Variants in LDLRAP1 observed in about 807,000 individuals in gnomAD.
The protein encoded by LDLRAP1 is low density lipoprotein receptor adaptor protein 1.
LDLRAP1 carries 30 observed loss-of-function variants against 37.8 expected under a neutral mutation model. That is an observed-to-expected ratio of 0.79 (90% CI 0.59 to 1.08). The LOEUF (loss-of-function observed/expected upper bound fraction) is 1.08, where lower values mean the gene tolerates loss of function less well. LDLRAP1 is among the 50% of genes least tolerant of loss of function. The pLI is 0.00. For synonymous variants in LDLRAP1, 156 were observed against 169.8 expected, an observed-to-expected ratio of 0.92 and a Z score of 0.63; for missense variants, 375 against 401.6, an observed-to-expected ratio of 0.93 and a Z score of 0.57.
intron 4 of LDLRAP1, among the ~76,000 whole-genome samples, chr1:25,561,920 C>G (rs1022395450): frequency 3.3e-5 from 5 of 151,870 alleles, no homozygotes; most frequent in Non-Finnish European, 7.4e-5. Flanking sequence ...GGGTGGGGCT[C>G]GAGGAGTCTG....
intron 4 of LDLRAP1, among the ~76,000 whole-genome samples, chr1:25,562,107 T>G (rs1225243244): frequency 2.0e-5 from 3 of 152,196 alleles, no homozygotes; most frequent in Admixed American, 1.3e-4. Context: ...TTGACAAGCC[T>G]TCTACTCTCT....
At chr1:25,571,423 G>A (rs2044603591), downstream of LDLRAP1, among the ~76,000 whole-genome samples, 1 of 152,254 alleles carries the variant, frequency 6.6e-6, no homozygotes. Flanking sequence ...CCTCAGAGAA[G>A]GAAGCCTTCC....
At chr1:25,576,129 G>C in the LDLRAP1 span, among the ~76,000 whole-genome samples, 1 of 152,182 alleles carries the variant, frequency 6.6e-6, no homozygotes, top group Non-Finnish European at 1.5e-5. Context: ...CTACTCGGGA[G>C]GCCGAAGCAG....
intron 4 of LDLRAP1, among the ~76,000 whole-genome samples, chr1:25,557,671 A>G (rs910793823): frequency 1.3e-5 from 2 of 152,138 alleles, no homozygotes; most frequent in Admixed American, 6.5e-5. Context: ...GAGAGCCGTC[A>G]GAGAACCAGG....
intron 4 of LDLRAP1, among the ~76,000 whole-genome samples, chr1:25,559,622 T>G (rs539093168): frequency 1.5e-4 from 23 of 152,324 alleles, no homozygotes; most frequent in African/African-American, 5.5e-4. Context: ...CCTCCCTGCT[T>G]CAGGGGCCCT....
chr1:25,574,508 A>G, the LDLRAP1 span, among the ~76,000 whole-genome samples: 1 of 152,128 alleles, frequency 6.6e-6, no homozygotes, highest in Non-Finnish European at 1.5e-5. Flanking sequence ...TTGTTGAAGA[A>G]AAGGATGTGT....
rs2044510451 is a variant in LDLRAP1 at position 25,567,324 on chromosome 1, T to C, written c.*332T>C. On this transcript the variant is annotated 3_prime_UTR_variant, in exon 9 of 9. Coordinates refer to ENST00000374338, the MANE Select transcript of LDLRAP1 (RefSeq NM_015627.3). ...TGCTCTCCTGGAGCAAGCTCTGCCCTGGCTGTGGGTATCAGGACTGTGACC... is the reference window on the plus strand; with the variant it reads ...TGCTCTCCTGGAGCAAGCTCTGCCCCGGCTGTGGGTATCAGGACTGTGACC... 4 of 406,464 alleles carry C rather than the reference T, an allele frequency of 9.8e-6. No individual in the cohort carries two copies. In the Admixed American group the frequency reaches 1.1e-4, roughly 11 times the overall value. The allele number at this position is 406,464 out of a possible 1,614,324, so 25.2% of individuals were successfully genotyped here. A position where few individuals can be genotyped will look rare whatever the true frequency, so the allele number is the denominator to read the frequency against.
the LDLRAP1 span, among the ~76,000 whole-genome samples, chr1:25,581,981 T>A: frequency 6.6e-6 from 1 of 152,152 alleles, no homozygotes; most frequent in Non-Finnish European, 1.5e-5. Context: ...GATGGACAGA[T>A]GTGCACAGCT....
At chr1:25,575,361 G>A in the LDLRAP1 span, among the ~76,000 whole-genome samples, 2 of 144,828 alleles carry the variant, frequency 1.4e-5, no homozygotes, top group Admixed American at 7.1e-5. Flanking sequence ...TGAGGCAGGT[G>A]AATCACTAGA....
chr1:25,558,736 G>T (rs750042649), intron 4 of LDLRAP1, among the ~76,000 whole-genome samples: 1 of 152,144 alleles, frequency 6.6e-6, no homozygotes, highest in Non-Finnish European at 1.5e-5. Context: ...TGGACACTCT[G>T]AGTAATCTGG....
chr1:25,545,502 G>T (rs2043912141), intron 1 of LDLRAP1, among the ~76,000 whole-genome samples: 1 of 152,136 alleles, frequency 6.6e-6, no homozygotes, highest in South Asian at 2.1e-4. Context: ...CTAACTGGTG[G>T]CTTTCTTCTC....
At position 25,557,269 on chromosome 1, in the gene LDLRAP1, T is replaced by G. The variant is rs1461905374; in HGVS notation, c.459+2T>G. On this transcript the variant is annotated splice_donor_variant, in intron 4 of 8. Coordinates refer to ENST00000374338, the MANE Select transcript of LDLRAP1 (RefSeq NM_015627.3). LOFTEE classifies it high-confidence loss of function. ...TTCCTCTGCACCAAGCGGAAGATGG[T>G]CAGCGGGGAGGGCTGGGGCGGGGAC... 1.9e-6 allele frequency: 3 copies of G among 1,549,112 alleles called. No homozygotes were observed. In the Admixed American group the frequency reaches 5.0e-5, roughly 26 times the overall value.
chr1:25,558,815 C>T (rs977064309), intron 4 of LDLRAP1, among the ~76,000 whole-genome samples: 3 of 152,176 alleles, frequency 2.0e-5, no homozygotes, highest in Non-Finnish European at 2.9e-5. Flanking sequence ...GCAGCATTCA[C>T]GGGTCTCAGG....
At chr1:25,582,028 G>A in the LDLRAP1 span, among the ~76,000 whole-genome samples, 3 of 152,168 alleles carry the variant, frequency 2.0e-5, no homozygotes, top group African/African-American at 7.2e-5. Flanking sequence ...CCCACCCAGC[G>A]CAGGCCTGGG....
At chr1:25,573,926 T>A in the LDLRAP1 span, among the ~76,000 whole-genome samples, 1 of 152,134 alleles carries the variant, frequency 6.6e-6, no homozygotes, top group Admixed American at 6.5e-5. Context: ...GAAATCCCCA[T>A]CCTCATGGAG....
At position 25,553,926 on chromosome 1, in the gene LDLRAP1, G is replaced by T. The variant is rs2044137554; in HGVS notation, c.93G>T (p.Leu31=). 6.2e-7 allele frequency: 1 copy of T among 1,613,720 alleles called. No homozygotes were observed. The highest frequency in any genetic ancestry group is 8.5e-7 in the Non-Finnish European group (1 of 1,179,956). The change falls in exon 2 of 9, where the codon CTG becomes CTT. Residue 31 remains leucine, a synonymous_variant. Transcript: ENST00000374338. ...SWGGGGRHRK[L]PENWTDTRET... is the part of the protein sequence containing the mutation. ...GCCTACCCTGTGCTACCCCAGAGCTGCCTGAGAACTGGACAGACACGCGGG... is the reference window on the plus strand; with the variant it reads ...GCCTACCCTGTGCTACCCCAGAGCTTCCTGAGAACTGGACAGACACGCGGG...
chr1:25,556,542 C>CA (rs1480282979), intron 3 of LDLRAP1, among the ~76,000 whole-genome samples: 1 of 152,208 alleles, frequency 6.6e-6, no homozygotes, highest in Non-Finnish European at 1.5e-5. Flanking sequence ...ACCTGAATCT[C>CA]ACCAGACCTC....
chr1:25,548,661 C>T (rs2043997686), intron 1 of LDLRAP1, among the ~76,000 whole-genome samples: 1 of 151,722 alleles, frequency 6.6e-6, no homozygotes, highest in Non-Finnish European at 1.5e-5. Flanking sequence ...GGTGGATACT[C>T]CTATTGTCCC....
intron 4 of LDLRAP1, among the ~76,000 whole-genome samples, chr1:25,562,436 G>A (rs779212945): frequency 1.2e-4 from 19 of 152,230 alleles, no homozygotes; most frequent in Non-Finnish European, 5.9e-5. Context: ...CGAGGCTATG[G>A]CCTTATGACA....
Sources: gnomAD v4.1 joint callset for allele counts (sites outside exome capture counted in the v4.1 genomes callset) on GRCh38, gnomAD v4.1.1 for gene constraint, MANE v1.5 for transcripts, NCBI Gene and HGNC (gene_info 2026-07-23, HGNC 2026-07-21) for gene names.